SLC2A1: variants seen among roughly 807,000 people sequenced by gnomAD.
SLC2A1 encodes the protein solute carrier family 2, facilitated glucose transporter member 1.
SLC2A1 carries 4 observed loss-of-function variants against 46.6 expected under a neutral mutation model. The ratio of observed to expected loss-of-function variants is 0.09; its 90% CI spans 0.04 to 0.20. SLC2A1 has a LOEUF of 0.20. Ranked by LOEUF, SLC2A1 falls within the 10% of genes least tolerant of loss-of-function variation. The probability of loss-of-function intolerance (pLI) is 1.00; values close to 1 mark genes in which losing one functional copy is unlikely to be tolerated. For synonymous variants in SLC2A1, 253 were observed against 270.0 expected (o/e 0.94, Z 0.62); for missense variants, 352 against 667.0 (o/e 0.53, Z 5.20).
chr1:42,958,760 G>A lies in SLC2A1; in HGVS notation c.-109C>T. 8.5e-7 allele frequency: 1 copy of A among 1,181,958 alleles called. No homozygotes were observed. Among genetic ancestry groups the A allele is most frequent in the Non-Finnish European group, 1.2e-6 (1 of 836,196 alleles). 73.2% of individuals were successfully genotyped at this position (1,181,958 alleles called of 1,614,324 possible). A position where few individuals can be genotyped will look rare whatever the true frequency, so the allele number is the denominator to read the frequency against. Reference sequence around the variant, plus strand: ...GTGCTCCGGTCCGGGGACTCCCACTGCGACTCTGACTCCGACCCCCGTCGT... The same window carrying A: ...GTGCTCCGGTCCGGGGACTCCCACTACGACTCTGACTCCGACCCCCGTCGT... On this transcript the variant is annotated 5_prime_UTR_variant, in exon 1 of 10. Transcript: ENST00000426263.
chr1:42,942,606 T>C (rs1263242664), intron 2 of SLC2A1, among the ~76,000 whole-genome samples: 1 of 151,758 alleles, frequency 6.6e-6, no homozygotes, highest in Admixed American at 6.6e-5. Flanking sequence ...CTGCTTTGAC[T>C]GCCACAGGGC....
intron 1 of SLC2A1, among the ~76,000 whole-genome samples, chr1:42,943,734 T>C (rs150712326): frequency 1.6e-3 from 240 of 152,220 alleles, no homozygotes; most frequent in Admixed American, 4.5e-3. Flanking sequence ...AGCACAGATA[T>C]AGATAGGAGA....
chr1:42,947,907 T>G (rs1643676155), intron 1 of SLC2A1, among the ~76,000 whole-genome samples: 1 of 152,052 alleles, frequency 6.6e-6, no homozygotes, highest in South Asian at 2.1e-4. Context: ...CCCTGACGAG[T>G]GCTGGAACAT....
At chr1:42,958,069 T>G (rs1168910820) in intron 1 of SLC2A1, among the ~76,000 whole-genome samples, 1 of 152,108 alleles carries the variant, frequency 6.6e-6, no homozygotes, top group African/African-American at 2.4e-5. Context: ...CGCGGGGGAC[T>G]GGCGGGAGGA....
chr1:42,955,750 C>T (rs1450847281), intron 1 of SLC2A1, among the ~76,000 whole-genome samples: 1 of 152,084 alleles, frequency 6.6e-6, no homozygotes, highest in Admixed American at 6.6e-5. Context: ...AAGTTCTTCA[C>T]GAAGGGTGGG....
In SLC2A1 at chr1:42,929,184, G is replaced by C. The variant is rs753434276; in HGVS notation, c.972+26C>G. The C allele has an allele frequency of 1.9e-6, 3 of 1,584,898 alleles. No homozygotes were observed. Among genetic ancestry groups the C allele is most frequent in the African/African-American group, 1.3e-5 (1 of 74,230 alleles). Reference sequence around the variant, plus strand: ...ACTGCCTCCTCCCTGGGGTTTGGCTGGGGGGGCCAGTAAGCAAAGACTCAC... The same window carrying C: ...ACTGCCTCCTCCCTGGGGTTTGGCTCGGGGGGCCAGTAAGCAAAGACTCAC... On this transcript the variant is annotated intron_variant, in intron 7 of 9. Coordinates refer to ENST00000426263, the MANE Select transcript of SLC2A1 (RefSeq NM_006516.4). This position sits in a 1 kb window ranked among gnomAD's most constrained non-coding sequence, Gnocchi z 6.0.
intron 2 of SLC2A1, among the ~76,000 whole-genome samples, chr1:42,935,743 C>A (rs1014774602): frequency 2.0e-5 from 3 of 152,212 alleles, no homozygotes; most frequent in Non-Finnish European, 4.4e-5. Context: ...GGCCAGACTC[C>A]AGCTCAGGGG....
intron 2 of SLC2A1, 73 bp from the exon 3 acceptor site, chr1:42,931,279 C>T: frequency 1.3e-6 from 2 of 1,492,554 alleles, no homozygotes; most frequent in Non-Finnish European, 9.2e-7. Context: ...TTTCCCCTTG[C>T]ACCCCTCCCT....
Position 42,927,226 on chromosome 1 carries a change from A to G in SLC2A1, c.1294T>C (p.Tyr432His), listed in dbSNP as rs1468239807. The change falls in exon 10 of 10, where the codon TAC becomes CAC. Residue 432 changes from tyrosine (Y) to histidine (H), a missense_variant. Physicochemically the swap from Tyr to His is moderately conservative, Grantham distance 83. Coordinates refer to ENST00000426263, the MANE Select transcript of SLC2A1 (RefSeq NM_006516.4). The surrounding 1 kb of genome is among the most constrained non-coding windows in gnomAD (Gnocchi z 5.3). ...FQYVEQLCGP[Y>H]VFIIFTVLLV... ...AGCACAGTGAAGATGATGAAGACGT[A>G]GGGACCACACAGTTGCTGAAAGACA... is the stretch of plus-strand genomic sequence containing the variant. The G allele has an allele frequency of 1.2e-6, 2 of 1,613,960 alleles. No homozygotes were observed. Among genetic ancestry groups the G allele is most frequent in the African/African-American group, 2.7e-5 (2 of 74,930 alleles).
chr1:42,926,562 G>T lies in SLC2A1; in HGVS notation c.*479C>A, dbSNP rs544915994. 263 of 452,530 alleles carry T rather than the reference G, an allele frequency of 5.8e-4. No individual in the cohort carries two copies. The highest frequency in any genetic ancestry group is 8.7e-4 in the Non-Finnish European group (236 of 270,822). 28.0% of individuals were successfully genotyped at this position (452,530 alleles called of 1,614,324 possible). ...TGGAGCCTGACCCCTAGAGTGGGGA[G>T]ATCCAGGCCAGCAGAACGGGTGGCC... On this transcript the variant is annotated 3_prime_UTR_variant, in exon 10 of 10. Transcript: ENST00000426263.
Position 42,929,963 on chromosome 1 carries a change from C to T in SLC2A1, c.589G>A (p.Ala197Thr). ...GGCAGCACGATGCACTGCAGCAGGG[C>T]CGGGATGAAGATGATGCTCAGCAGC... The part of the protein sequence containing the change: ...PLLLSIIFIP[A>T]LLQCIVLPFC... Residue 197 changes from alanine to threonine, a missense_variant, in exon 5 of 10, where the codon GCC becomes ACC. By Grantham distance (58) the Ala-to-Thr change is moderately conservative (BLOSUM62 0). Transcript: ENST00000426263. The surrounding 1 kb of genome is among the most constrained non-coding windows in gnomAD (Gnocchi z 6.0). The T allele has an allele frequency of 6.2e-7, 1 of 1,614,114 alleles. No homozygotes were observed. The highest frequency in any genetic ancestry group is 8.5e-7 in the Non-Finnish European group (1 of 1,180,008).
At chr1:42,935,779 G>A (rs1643537163) in intron 2 of SLC2A1, among the ~76,000 whole-genome samples, 1 of 152,158 alleles carries the variant, frequency 6.6e-6, no homozygotes, top group African/African-American at 2.4e-5. Context: ...AGACTTCAGG[G>A]TATGAGGCTG....
chr1:42,928,785 C>T (rs1366903224), intron 8 of SLC2A1, 147 bp downstream of exon 8: 1 of 780,556 alleles, frequency 1.3e-6, no homozygotes, highest in Non-Finnish European at 2.3e-6. Context: ...AAGGAGACAA[C>T]TTCAGGAGCC....
At chr1:42,944,755 T>C (rs1429643834) in intron 1 of SLC2A1, among the ~76,000 whole-genome samples, 1 of 152,188 alleles carries the variant, frequency 6.6e-6, no homozygotes, top group Non-Finnish European at 1.5e-5. Flanking sequence ...GCATCCTTCC[T>C]TCCCATTAGT....
At position 42,926,759 on chromosome 1, in the gene SLC2A1, C is replaced by G. The variant is rs1018771665; in HGVS notation, c.*282G>C. The stretch of plus-strand genomic sequence containing the variant: ...CAGGGTGAAGCCTGGGATGTGGGCA[C>G]AGGAGACTCAGGCTGATATAAAAAT... On this transcript the variant is annotated 3_prime_UTR_variant, in exon 10 of 10. Transcript: ENST00000426263. 1.4e-6 allele frequency: 2 copies of G among 1,415,396 alleles called. No homozygotes were observed. The highest frequency in any genetic ancestry group is 2.8e-5 in the African/African-American group (2 of 70,202). 87.7% of individuals were successfully genotyped at this position (1,415,396 alleles called of 1,614,324 possible). A position where few individuals can be genotyped will look rare whatever the true frequency, so the allele number is the denominator to read the frequency against.
chr1:42,950,188 A>C (rs1270469884), intron 1 of SLC2A1, among the ~76,000 whole-genome samples: 2 of 152,250 alleles, frequency 1.3e-5, no homozygotes, highest in Admixed American at 1.3e-4. Flanking sequence ...CATTTCAGTG[A>C]CCATGAATAA....
In SLC2A1 at chr1:42,946,356, C is replaced by T. The variant is rs182900676; in HGVS notation, c.19-3035G>A. ...AGTGACCCATGCTCTAGGTCTCATG[C>T]TAAGTAGAGCTGGGGCCCCGGATGA... On this transcript the variant is annotated intron_variant, in intron 1 of 9. Coordinates refer to ENST00000426263, the MANE Select transcript of SLC2A1 (RefSeq NM_006516.4). 1.9e-4 allele frequency among the ~76,000 whole-genome samples: 29 copies of T among 152,282 alleles called. No homozygotes were observed. In the East Asian group the frequency reaches 5.0e-3, roughly 26 times the overall value.
chr1:42,934,256 G>A (rs776743824), intron 2 of SLC2A1, among the ~76,000 whole-genome samples: 6 of 152,138 alleles, frequency 3.9e-5, no homozygotes, highest in Admixed American at 2.6e-4. Flanking sequence ...GCTCCTGGAC[G>A]CTGCCTAGCT....
At chr1:42,957,356 C>T (rs1643786833) in intron 1 of SLC2A1, among the ~76,000 whole-genome samples, 1 of 152,206 alleles carries the variant, frequency 6.6e-6, no homozygotes, top group South Asian at 2.1e-4. Flanking sequence ...ATGGATTCAA[C>T]AGGTGTGGGG....
Sources: allele counts gnomAD v4.1 joint callset (sites outside exome capture counted in the v4.1 genomes callset), GRCh38; gene constraint gnomAD v4.1.1; non-coding constraint Gnocchi (gnomAD v3.1); transcripts MANE v1.5; gene names NCBI Gene and HGNC (gene_info 2026-07-23, HGNC 2026-07-21).